Variants in SH3RF1 observed in about 807,000 individuals in gnomAD.
The protein encoded by SH3RF1 is SH3 domain containing ring finger 1.
Under a neutral mutation model 74.0 loss-of-function variants are expected in SH3RF1, and 32 were observed. That is an observed-to-expected ratio of 0.43 (90% CI 0.33 to 0.58). The LOEUF (loss-of-function observed/expected upper bound fraction) is 0.58, where lower values mean the gene tolerates loss of function less well. SH3RF1 is among the 20% of genes least tolerant of loss of function. The probability of loss-of-function intolerance (pLI) is 0.05; values close to 1 mark genes in which losing one functional copy is unlikely to be tolerated. For synonymous variants in SH3RF1, 396 were observed against 439.6 expected, an observed-to-expected ratio of 0.90 and a Z score of 1.24; for missense variants, 954 against 1,130.9, an observed-to-expected ratio of 0.84 and a Z score of 2.24.
chr4:169,099,185 C>T (rs975059627), intron 11 of SH3RF1, among the ~76,000 whole-genome samples: 1 of 152,212 alleles, frequency 6.6e-6, no homozygotes, highest in African/African-American at 2.4e-5. Context: ...CTTGACCTCC[C>T]AGGCTTAACT....
rs529880288 is a variant in SH3RF1, at chr4:169,129,345, C to A, written c.1179+701G>T. On this transcript the variant is annotated intron_variant, in intron 6 of 11. Coordinates refer to ENST00000284637, the MANE Select transcript of SH3RF1 (RefSeq NM_020870.4). ...CTTAAACAACAGTCTTTCTCTACTACCGAAGGTTGCATTTGCTTGTTGCTT... is the reference window on the plus strand; with the variant it reads ...CTTAAACAACAGTCTTTCTCTACTAACGAAGGTTGCATTTGCTTGTTGCTT... 2.0e-5 allele frequency among the ~76,000 whole-genome samples: 3 copies of A among 152,334 alleles called. No individual in the cohort carries two copies. The South Asian group carries it at 6.2e-4, about 32-fold the overall frequency.
intron 2 of SH3RF1, among the ~76,000 whole-genome samples, chr4:169,234,365 T>C (rs1481302308): frequency 6.6e-6 from 1 of 151,976 alleles, no homozygotes; most frequent in Non-Finnish European, 1.5e-5. Context: ...GAGTGTGAGG[T>C]TGGGAAACCC....
chr4:169,191,180 C>T (rs146419401), intron 2 of SH3RF1, among the ~76,000 whole-genome samples: 60 of 151,548 alleles, frequency 4.0e-4, no homozygotes, highest in Non-Finnish European at 8.1e-4. Context: ...GGATGCCCAC[C>T]GTCACCACTC....
At chr4:169,141,985 T>A (rs1301922113) in intron 4 of SH3RF1, among the ~76,000 whole-genome samples, 1 of 151,944 alleles carries the variant, frequency 6.6e-6, no homozygotes, top group Non-Finnish European at 1.5e-5. Context: ...GCTAATTTTG[T>A]TTTTGTATTT....
chr4:169,245,303 C>A (rs1446838717), intron 2 of SH3RF1, among the ~76,000 whole-genome samples: 1 of 152,160 alleles, frequency 6.6e-6, no homozygotes, highest in Non-Finnish European at 1.5e-5. Flanking sequence ...TCTGAGCAAA[C>A]CTACTTAGAT....
chr4:169,122,333 T>C (rs1424566633), intron 6 of SH3RF1, 67 bp from the exon 7 acceptor site: 16 of 1,479,434 alleles, frequency 1.1e-5, no homozygotes, highest in Admixed American at 2.1e-5. Context: ...CATCTTCCTA[T>C]GGAAGGTGGG....
intron 2 of SH3RF1, among the ~76,000 whole-genome samples, chr4:169,190,322 T>C (rs545878185): frequency 5.9e-5 from 9 of 152,124 alleles, no homozygotes; most frequent in Admixed American, 5.2e-4. Context: ...GATAGACCAT[T>C]AGCAAGATTA....
chr4:169,127,247 T>G (rs748913848), intron 6 of SH3RF1, among the ~76,000 whole-genome samples: 2 of 152,238 alleles, frequency 1.3e-5, no homozygotes, highest in African/African-American at 2.4e-5. Context: ...TCGTTCTGCA[T>G]AAAAGATTTA....
At chr4:169,098,474 C>A (rs1459460054) in intron 11 of SH3RF1, among the ~76,000 whole-genome samples, 1 of 152,122 alleles carries the variant, frequency 6.6e-6, no homozygotes, top group Non-Finnish European at 1.5e-5. Flanking sequence ...TAAGAAAGAC[C>A]ACAGCAAGAG....
At chr4:169,210,525 A>G in intron 2 of SH3RF1, among the ~76,000 whole-genome samples, 1 of 152,202 alleles carries the variant, frequency 6.6e-6, no homozygotes, top group East Asian at 1.9e-4. Context: ...ATAAAACCCT[A>G]CTAAAATAGA....
chr4:169,171,592 A>G (rs1734328309), intron 2 of SH3RF1, among the ~76,000 whole-genome samples: 1 of 152,376 alleles, frequency 6.6e-6, no homozygotes, highest in East Asian at 1.9e-4. Flanking sequence ...CTAAGGGAGC[A>G]TGATTTAGAA....
chr4:169,192,684 C>G (rs1734741416), intron 2 of SH3RF1, among the ~76,000 whole-genome samples: 1 of 151,838 alleles, frequency 6.6e-6, no homozygotes. Flanking sequence ...GATACTTGAA[C>G]ACACGTTTAC....
At chr4:169,113,012 T>C (rs764252748) in intron 10 of SH3RF1, among the ~76,000 whole-genome samples, 1 of 152,030 alleles carries the variant, frequency 6.6e-6, no homozygotes, top group African/African-American at 2.4e-5. Flanking sequence ...CAGAGAAAAA[T>C]AGCAGAAGAA....
chr4:169,169,587 A>G (rs1490612630), intron 2 of SH3RF1, among the ~76,000 whole-genome samples: 3 of 152,172 alleles, frequency 2.0e-5, no homozygotes, highest in Non-Finnish European at 4.4e-5. Context: ...ACACAGCAAG[A>G]CACTGTTTCA....
At chr4:169,128,160 CA>C (rs1733556598) in intron 6 of SH3RF1, among the ~76,000 whole-genome samples, 1 of 152,124 alleles carries the variant, frequency 6.6e-6, no homozygotes, top group South Asian at 2.1e-4. Context: ...GCAAGGCACT[CA>C]TCTGGAAATG....
At chr4:169,170,847 A>T (rs1734316879) in intron 2 of SH3RF1, among the ~76,000 whole-genome samples, 1 of 152,220 alleles carries the variant, frequency 6.6e-6, no homozygotes, top group African/African-American at 2.4e-5. Context: ...CTGAAAAATG[A>T]CACAAGGGTT....
At chr4:169,157,184 C>A (rs926131572) in intron 2 of SH3RF1, among the ~76,000 whole-genome samples, 1 of 152,208 alleles carries the variant, frequency 6.6e-6, no homozygotes, top group Non-Finnish European at 1.5e-5. Flanking sequence ...TTAGGCAAAT[C>A]TCTTCCTGAT....
At chr4:169,200,073 G>C (rs1734884021) in intron 2 of SH3RF1, among the ~76,000 whole-genome samples, 1 of 151,954 alleles carries the variant, frequency 6.6e-6, no homozygotes, top group African/African-American at 2.4e-5. Flanking sequence ...GGAATAAAGA[G>C]AGTACCTACA....
At chr4:169,195,817 C>T (rs1322963705) in intron 2 of SH3RF1, among the ~76,000 whole-genome samples, 1 of 151,988 alleles carries the variant, frequency 6.6e-6, no homozygotes, top group East Asian at 1.9e-4. Context: ...TTTGTCTTTG[C>T]TTGAAAACAG....
Sources: allele counts gnomAD v4.1 joint callset (sites outside exome capture counted in the v4.1 genomes callset), GRCh38; gene constraint gnomAD v4.1.1; transcripts MANE v1.5; gene names NCBI Gene and HGNC (gene_info 2026-07-23, HGNC 2026-07-21).